Variants in PSMD9 observed in about 807,000 individuals in gnomAD.
PSMD9 encodes proteasome 26S subunit, non-ATPase 9, also known as 26S proteasome non-ATPase regulatory subunit 9.
A neutral mutation model predicts 25.9 loss-of-function variants in PSMD9; 26 were observed. The observed-to-expected ratio is 1.00, with a 90% CI of 0.73 to 1.39. The LOEUF is 1.39. Ranked by LOEUF, PSMD9 falls within the 40% of genes most tolerant of loss-of-function variation. PSMD9 has a pLI of 0.00. For missense variants in PSMD9, 303 were observed against 299.3 expected (o/e 1.01, Z -0.09); for synonymous variants, 110 against 114.5 (o/e 0.96, Z 0.25).
chr12:121,894,663 G>T, intron 1 of PSMD9, 76 bp from the exon 2 acceptor site: 1 of 1,254,146 alleles, frequency 8.0e-7, no homozygotes, highest in Non-Finnish European at 1.2e-6. Context: ...TGACTTCAGA[G>T]GAGAAGGGTC....
chr12:121,899,243 G>T (rs781052543), intron 2 of PSMD9: 4 of 208,360 alleles, frequency 1.9e-5, no homozygotes, highest in Non-Finnish European at 4.0e-5. Flanking sequence ...TGATCACAGC[G>T]CTGGCCCCTC....
At chr12:121,903,878 T>C (rs1879474827) in intron 4 of PSMD9, among the ~76,000 whole-genome samples, 1 of 151,994 alleles carries the variant, frequency 6.6e-6, no homozygotes, top group Non-Finnish European at 1.5e-5. Context: ...CTTGCTATGT[T>C]GTCCAGGCTG....
intron 1 of PSMD9, chr12:121,894,031 G>C (rs1312404352): frequency 6.6e-6 from 1 of 151,986 alleles, no homozygotes; most frequent in Non-Finnish European, 1.5e-5. Flanking sequence ...TGCCCAGCTT[G>C]TACATGGCAG....
intron 4 of PSMD9, among the ~76,000 whole-genome samples, chr12:121,903,858 G>A (rs781691876): frequency 1.3e-5 from 2 of 151,214 alleles, no homozygotes; most frequent in African/African-American, 2.4e-5. Context: ...ATATTTTGTG[G>A]AGGCGGGGTC....
In PSMD9 at chr12:121,917,032, T is replaced by C. The variant is rs1011758495; in HGVS notation, c.*721T>C. On this transcript the variant is annotated 3_prime_UTR_variant, in exon 6 of 6. Coordinates refer to ENST00000541212, the MANE Select transcript of PSMD9 (RefSeq NM_002813.7). ...GTTTTTGTTTTCTGGAGACAAGGTCTTGCTTTGTCACCCAGGCTGGAGTGC... is the reference window on the plus strand; with the variant it reads ...GTTTTTGTTTTCTGGAGACAAGGTCCTGCTTTGTCACCCAGGCTGGAGTGC... 2.6e-5 allele frequency: 4 copies of C among 152,422 alleles called. No individual in the cohort carries two copies. The highest frequency in any genetic ancestry group is 9.6e-5 in the African/African-American group (4 of 41,474). The allele number at this position is 152,422 out of a possible 1,614,324, so 9.4% of individuals were successfully genotyped here.
chr12:121,916,326 C>G lies in PSMD9; in HGVS notation c.*15C>G. On this transcript the variant is annotated 3_prime_UTR_variant, in exon 6 of 6. Transcript: ENST00000541212. ...TGCAAAGATGATTGTCCCTGGGGAACAGTAACAGGAAAGCATCTTCCCTTG... is the reference window on the plus strand; with the variant it reads ...TGCAAAGATGATTGTCCCTGGGGAAGAGTAACAGGAAAGCATCTTCCCTTG... 6.2e-7 allele frequency: 1 copy of G among 1,613,424 alleles called. No individual in the cohort carries two copies. Among genetic ancestry groups the G allele is most frequent in the Non-Finnish European group, 8.5e-7 (1 of 1,179,358 alleles).
chr12:121,909,343 T>C (rs1408775647), intron 4 of PSMD9, among the ~76,000 whole-genome samples: 1 of 150,412 alleles, frequency 6.6e-6, no homozygotes, highest in African/African-American at 2.5e-5. Context: ...ACAGGGTCTC[T>C]CGCTCTGCTG....
rs563939839 is a variant in PSMD9 at position 121,901,666 on chromosome 12, C to CTTTTTT, written c.454-1318_454-1313dup. ...TGTCATGCCTGGCCCTTCATTCCTT[C>CTTTTTT]TTTTTTTTTTTTTTTTTTTTTTTTT... On this transcript the variant is annotated intron_variant, in intron 3 of 5. Coordinates refer to ENST00000541212, the MANE Select transcript of PSMD9 (RefSeq NM_002813.7). Among the ~76,000 whole-genome samples, 19 of 93,606 alleles carry CTTTTTT rather than the reference C, an allele frequency of 2.0e-4. 2 individuals are homozygous for CTTTTTT. The highest frequency in any genetic ancestry group is 9.4e-4 in the African/African-American group (16 of 16,982). 61.4% of individuals were successfully genotyped at this position (93,606 alleles called of 152,430 possible). A position where few individuals can be genotyped will look rare whatever the true frequency, so the allele number is the denominator to read the frequency against.
In PSMD9 at chr12:121,912,940, T is replaced by C. The variant is rs568963874; in HGVS notation, c.556-2916T>C. Among the ~76,000 whole-genome samples, 353 of 126,958 alleles carry C rather than the reference T, an allele frequency of 2.8e-3. 2 individuals are homozygous for C. The highest frequency in any genetic ancestry group is 0.013 in the African/African-American group (326 of 25,230). 83.3% of individuals were successfully genotyped at this position (126,958 alleles called of 152,430 possible). On this transcript the variant is annotated intron_variant, in intron 4 of 5. Transcript: ENST00000541212. ...CCTTTGCTCATTTTCTTTTCTTTTCTTTTTTTTTTTTTTTGAGACGGAGTC... is the reference window on the plus strand; with the variant it reads ...CCTTTGCTCATTTTCTTTTCTTTTCCTTTTTTTTTTTTTTGAGACGGAGTC...
intron 4 of PSMD9, chr12:121,914,905 T>C (rs1879850301): frequency 6.6e-6 from 1 of 152,014 alleles, no homozygotes; most frequent in Non-Finnish European, 1.5e-5. Flanking sequence ...GATATGGAAA[T>C]ATATAAAAGT....
chr12:121,905,591 G>A (rs1366169390), intron 4 of PSMD9, among the ~76,000 whole-genome samples: 3 of 149,052 alleles, frequency 2.0e-5, no homozygotes, highest in East Asian at 2.0e-4. Context: ...GCAGTGGCAC[G>A]ATCTCGGCTC....
chr12:121,900,878 G>A (rs527590344), intron 3 of PSMD9, among the ~76,000 whole-genome samples: 10 of 151,704 alleles, frequency 6.6e-5, no homozygotes, highest in Non-Finnish European at 1.3e-4. Flanking sequence ...CCAGCTACTC[G>A]GGAGGCTGAG....
intron 4 of PSMD9, among the ~76,000 whole-genome samples, chr12:121,903,887 T>A (rs1000227806): frequency 2.0e-5 from 3 of 152,100 alleles, no homozygotes; most frequent in Non-Finnish European, 4.4e-5. Context: ...TTGTCCAGGC[T>A]GGAATTTTTG....
At chr12:121,905,244 G>A (rs940180336) in intron 4 of PSMD9, among the ~76,000 whole-genome samples, 23 of 149,214 alleles carry the variant, frequency 1.5e-4, no homozygotes, top group African/African-American at 5.7e-4. Flanking sequence ...TTTTTAGATG[G>A]AGTCTTGCTC....
intron 3 of PSMD9, among the ~76,000 whole-genome samples, chr12:121,900,418 C>T (rs1879358934): frequency 6.6e-6 from 1 of 151,638 alleles, no homozygotes; most frequent in African/African-American, 2.4e-5. Context: ...TGACCGGGAG[C>T]ATTGGCTCAC....
At chr12:121,910,424 C>T (rs929823194) in intron 4 of PSMD9, among the ~76,000 whole-genome samples, 16 of 151,546 alleles carry the variant, frequency 1.1e-4, no homozygotes, top group African/African-American at 3.9e-4. Flanking sequence ...CATTGATAGA[C>T]CTGACATATT....
At chr12:121,896,947 GTA>G (rs1183471718) in intron 2 of PSMD9, among the ~76,000 whole-genome samples, 2 of 151,598 alleles carry the variant, frequency 1.3e-5, no homozygotes, top group Non-Finnish European at 2.9e-5. Flanking sequence ...ACATACATGT[GTA>G]TATATCTACA....
chr12:121,901,662 CCTTCTTTTTTTTTT>C (rs1455114831), intron 3 of PSMD9, among the ~76,000 whole-genome samples: 3 of 125,056 alleles, frequency 2.4e-5, no homozygotes, highest in Non-Finnish European at 4.7e-5. Flanking sequence ...GCCCTTCATT[CCTTCTTTTTTTTTT>C]TTTTTTTTTT....
chr12:121,900,651 TCACAGAGCCATG>T (rs2083779833), intron 3 of PSMD9, among the ~76,000 whole-genome samples: 1 of 151,520 alleles, frequency 6.6e-6, no homozygotes, highest in Non-Finnish European at 1.5e-5. Context: ...TTTGGTGTAT[TCACAGAGCCATG>T]CATTACCACA....
Sources: gnomAD v4.1 joint callset for allele counts (sites outside exome capture counted in the v4.1 genomes callset) on GRCh38, gnomAD v4.1.1 for gene constraint, MANE v1.5 for transcripts, NCBI Gene and HGNC (gene_info 2026-07-23, HGNC 2026-07-21) for gene names.